Variants in JMY observed in about 807,000 individuals in gnomAD.
JMY encodes the protein junction mediating and regulatory protein, p53 cofactor.
JMY carries 46 observed loss-of-function variants against 103.3 expected under a neutral mutation model. The observed-to-expected ratio is 0.45, with a 90% CI of 0.35 to 0.57. JMY has a LOEUF of 0.57. JMY is among the 20% of genes least tolerant of loss of function. The pLI is 0.00. For synonymous variants in JMY, 526 were observed against 489.3 expected, an observed-to-expected ratio of 1.07 and a Z score of -0.99; for missense variants, 1,238 against 1,255.2, an observed-to-expected ratio of 0.99 and a Z score of 0.21.
At position 79,323,425 on chromosome 5, in the gene JMY, G is replaced by GTGAT. The variant is rs1484535316; in HGVS notation, c.*1824_*1827dup. The GTGAT allele has an allele frequency of 3.3e-5, 5 of 152,204 alleles. No individual in the cohort carries two copies. Among genetic ancestry groups the GTGAT allele is most frequent in the African/African-American group, 7.2e-5 (3 of 41,456 alleles). The allele number at this position is 152,204 out of a possible 1,614,324, so 9.4% of individuals were successfully genotyped here. A position where few individuals can be genotyped will look rare whatever the true frequency, so the allele number is the denominator to read the frequency against. On this transcript the variant is annotated 3_prime_UTR_variant, in exon 11 of 11. Transcript: ENST00000396137. ...TGGAAGCTTCAACAGCATGGGGGTG[G>GTGAT]TGATAGTGTCCTATTTGCCCTTGGT...
At chr5:79,254,647 G>A (rs1745184248) in intron 1 of JMY, among the ~76,000 whole-genome samples, 1 of 151,976 alleles carries the variant, frequency 6.6e-6, no homozygotes, top group African/African-American at 2.4e-5. Flanking sequence ...TCTTCTTGGT[G>A]TTCTATAATA....
At chr5:79,312,297 T>C in intron 7 of JMY, 106 bp from the exon 8 acceptor site, 3 of 561,748 alleles carry the variant, frequency 5.3e-6, no homozygotes, top group Non-Finnish European at 8.9e-6. Context: ...TTTTGTTCAG[T>C]GAATCATCCC....
chr5:79,249,043 A>T (rs1456455531), intron 1 of JMY, among the ~76,000 whole-genome samples: 1 of 152,102 alleles, frequency 6.6e-6, no homozygotes, highest in African/African-American at 2.4e-5. Context: ...GACTGCAGAC[A>T]TGAGCCACTG....
intron 1 of JMY, among the ~76,000 whole-genome samples, chr5:79,273,101 A>G (rs1254796036): frequency 6.6e-6 from 1 of 152,240 alleles, no homozygotes; most frequent in Non-Finnish European, 1.5e-5. Flanking sequence ...AATTAAGAGG[A>G]AAAATAGTCT....
rs947098190 is a variant in JMY at position 79,250,224 on chromosome 5, AAAC to A, written c.1032+12548_1032+12550del. Among the ~76,000 whole-genome samples the A allele has an allele frequency of 4.5e-4, 69 of 152,182 alleles. 1 individual carries two copies. Among genetic ancestry groups the A allele is most frequent in the Admixed American group, 3.1e-3 (48 of 15,268 alleles). On this transcript the variant is annotated intron_variant, in intron 1 of 10. Transcript: ENST00000396137. ...ATATTTCCAAGCCAAAACAATGTCA[AAAC>A]AACAAGAAAAATCTAACGGGTTGAT...
At chr5:79,258,374 C>T (rs1745320336) in intron 1 of JMY, among the ~76,000 whole-genome samples, 1 of 132,154 alleles carries the variant, frequency 7.6e-6, no homozygotes, top group Admixed American at 9.0e-5. Flanking sequence ...GTTACGGGAT[C>T]CTTGGGGTGT....
chr5:79,317,918 A>T (rs1284088507), intron 10 of JMY, among the ~76,000 whole-genome samples: 1 of 152,190 alleles, frequency 6.6e-6, no homozygotes, highest in Admixed American at 6.5e-5. Context: ...TTCTTAAAAC[A>T]TGTTTGATCA....
intron 1 of JMY, among the ~76,000 whole-genome samples, chr5:79,243,400 T>C (rs1331172616): frequency 1.3e-5 from 2 of 152,184 alleles, no homozygotes; most frequent in African/African-American, 2.4e-5. Flanking sequence ...CCATGACCCA[T>C]GATTACATAT....
intron 2 of JMY, among the ~76,000 whole-genome samples, chr5:79,278,585 CAAAAAAAAAAAAAA>C (rs34278536): frequency 5.2e-5 from 3 of 57,284 alleles, no homozygotes; most frequent in African/African-American, 1.4e-4. Flanking sequence ...CCCGTCTCTA[CAAAAAAAAAAAAAA>C]AAAAAAAAAA....
At chr5:79,243,300 G>GTA (rs35534122) in intron 1 of JMY, among the ~76,000 whole-genome samples, 48,071 of 151,860 alleles carry the variant, frequency 0.32, 8,225 homozygotes, top group South Asian at 0.45. Context: ...TAAAACTCAA[G>GTA]CCCTGCTGAA....
At chr5:79,271,075 A>G (rs1353139634) in intron 1 of JMY, among the ~76,000 whole-genome samples, 2 of 151,908 alleles carry the variant, frequency 1.3e-5, no homozygotes, top group Non-Finnish European at 2.9e-5. Context: ...GTCAGTCTGT[A>G]GTTTTTTTAA....
intron 2 of JMY, among the ~76,000 whole-genome samples, chr5:79,289,576 T>A (rs1314566932): frequency 6.6e-6 from 1 of 152,220 alleles, no homozygotes; most frequent in Non-Finnish European, 1.5e-5. Context: ...AAATTTTGTT[T>A]TAGCATTCAC....
chr5:79,305,047 A>G (rs911210764), intron 6 of JMY, among the ~76,000 whole-genome samples: 5 of 152,220 alleles, frequency 3.3e-5, no homozygotes, highest in African/African-American at 1.2e-4. Context: ...TTGATAGGCA[A>G]TAGAGTGAAC....
intron 1 of JMY, among the ~76,000 whole-genome samples, chr5:79,271,673 A>C (rs1745786379): frequency 6.6e-6 from 1 of 152,150 alleles, no homozygotes; most frequent in African/African-American, 2.4e-5. Flanking sequence ...GAGGAGTGTT[A>C]AAATCACCAA....
intron 2 of JMY, among the ~76,000 whole-genome samples, chr5:79,288,079 T>G (rs1400995936): frequency 6.6e-6 from 1 of 152,218 alleles, no homozygotes; most frequent in East Asian, 1.9e-4. Flanking sequence ...AATCCTTAAA[T>G]CTAAGATGAA....
chr5:79,312,516 C>G lies in JMY; in HGVS notation c.2064+18C>G. ...TTAAACAGGTATTAAAAGTAATGGT[C>G]CATTTATTGTTTTTCTTTTTTTTTT... On this transcript the variant is annotated intron_variant, in intron 8 of 10. Coordinates refer to ENST00000396137, the MANE Select transcript of JMY (RefSeq NM_152405.5). 7.6e-7 allele frequency: 1 copy of G among 1,313,700 alleles called. No homozygotes were observed. The highest frequency in any genetic ancestry group is 1.0e-6 in the Non-Finnish European group (1 of 965,342). The allele number at this position is 1,313,700 out of a possible 1,614,324, so 81.4% of individuals were successfully genotyped here.
intron 8 of JMY, among the ~76,000 whole-genome samples, chr5:79,313,643 T>C (rs1580372836): frequency 6.6e-6 from 1 of 152,366 alleles, no homozygotes; most frequent in African/African-American, 2.4e-5. Context: ...GTAGCATTTA[T>C]ACATTTGACA....
intron 2 of JMY, among the ~76,000 whole-genome samples, chr5:79,280,962 G>GAA (rs1461724963): frequency 1.3e-5 from 2 of 149,382 alleles, no homozygotes; most frequent in Non-Finnish European, 3.0e-5. Flanking sequence ...AAGTATAATT[G>GAA]ATTAGCAAAG....
intron 1 of JMY, among the ~76,000 whole-genome samples, chr5:79,244,539 C>T (rs904439180): frequency 3.9e-5 from 6 of 152,158 alleles, no homozygotes; most frequent in Non-Finnish European, 7.3e-5. Flanking sequence ...ATCTGTTAAC[C>T]TTCTCCATTG....
Sources: gnomAD v4.1 joint callset for allele counts (sites outside exome capture counted in the v4.1 genomes callset) on GRCh38, gnomAD v4.1.1 for gene constraint, MANE v1.5 for transcripts, NCBI Gene and HGNC (gene_info 2026-07-23, HGNC 2026-07-21) for gene names.